ARFGEF2: variants seen among roughly 807,000 people sequenced by gnomAD.
ARFGEF2 encodes ARF guanine nucleotide exchange factor 2.
A neutral mutation model predicts 219.9 loss-of-function variants in ARFGEF2; 74 were observed. The ratio of observed to expected loss-of-function variants is 0.34; its 90% CI spans 0.28 to 0.41. The LOEUF (loss-of-function observed/expected upper bound fraction) is 0.41, where lower values mean the gene tolerates loss of function less well. Among genes scored for constraint, ARFGEF2 ranks in the 10% least tolerant of loss-of-function variants. The pLI, the probability that ARFGEF2 is intolerant of heterozygous loss-of-function variation, is 1.00. For missense variants in ARFGEF2, 1,743 were observed against 2,218.3 expected (o/e 0.79, Z 4.30); for synonymous variants, 733 against 799.2 (o/e 0.92, Z 1.40).
At chr20:49,026,582 TA>T (rs2091604548) in intron 36 of ARFGEF2, among the ~76,000 whole-genome samples, 1 of 150,354 alleles carries the variant, frequency 6.7e-6, no homozygotes, top group African/African-American at 2.4e-5. Context: ...TTTTTACCAT[TA>T]CTTTTTTTTT....
At chr20:48,954,585 AT>A (rs2091094607) in intron 6 of ARFGEF2, among the ~76,000 whole-genome samples, 1 of 152,206 alleles carries the variant, frequency 6.6e-6, no homozygotes, top group Non-Finnish European at 1.5e-5. Context: ...ATTACTGATA[AT>A]GATTTCTGTT....
intron 1 of ARFGEF2, among the ~76,000 whole-genome samples, chr20:48,922,930 A>T (rs1271186503): frequency 1.3e-5 from 2 of 152,344 alleles, no homozygotes; most frequent in East Asian, 3.9e-4. Flanking sequence ...TTAAGAAAAT[A>T]GGTGAGGTAT....
In ARFGEF2 at chr20:49,017,194, G is replaced by A. The variant is rs2091535746; in HGVS notation, c.4316-55G>A. On this transcript the variant is annotated intron_variant, in intron 31 of 38. Transcript: ENST00000371917. ...CACAATATACAGTATTTGAGACCTG[G>A]TTGGCATCAAAATAGCAGTAGAAGT... is the stretch of plus-strand genomic sequence containing the variant. The A allele has an allele frequency of 6.3e-6, 10 of 1,584,232 alleles. No homozygotes were observed. The Admixed American group carries it at 1.5e-4, about 24-fold the overall frequency.
chr20:48,982,465 C>T (rs1307401172), intron 14 of ARFGEF2, among the ~76,000 whole-genome samples: 7 of 152,174 alleles, frequency 4.6e-5, no homozygotes, highest in Non-Finnish European at 8.8e-5. Flanking sequence ...GGGTCAGGGT[C>T]CCACTTGAGG....
At chr20:48,993,768 G>A (rs1407434099) in intron 21 of ARFGEF2, among the ~76,000 whole-genome samples, 1 of 152,180 alleles carries the variant, frequency 6.6e-6, no homozygotes, top group Non-Finnish European at 1.5e-5. Context: ...AGGACCAGGA[G>A]ATCCAGCCTC....
At chr20:49,006,219 G>A (rs893179781) in intron 26 of ARFGEF2, among the ~76,000 whole-genome samples, 2 of 152,034 alleles carry the variant, frequency 1.3e-5, no homozygotes, top group Admixed American at 6.6e-5. Flanking sequence ...GCTTGAACCC[G>A]GGAGGTGGAG....
intron 1 of ARFGEF2, among the ~76,000 whole-genome samples, chr20:48,928,526 G>T (rs554597474): frequency 2.2e-5 from 3 of 135,640 alleles, no homozygotes; most frequent in African/African-American, 8.3e-5. Context: ...AGCCAGTCTC[G>T]CTCTGTCGCC....
intron 14 of ARFGEF2, among the ~76,000 whole-genome samples, chr20:48,980,624 T>C (rs956624206): frequency 6.6e-6 from 1 of 152,224 alleles, no homozygotes; most frequent in African/African-American, 2.4e-5. Context: ...TCTAAGTCTC[T>C]TTGTAGGTCT....
chr20:48,961,029 G>C (rs1409723416), intron 6 of ARFGEF2, among the ~76,000 whole-genome samples: 1 of 150,250 alleles, frequency 6.7e-6, no homozygotes, highest in East Asian at 2.0e-4. Flanking sequence ...GCAGTGAACC[G>C]AGATTGTGCC....
chr20:49,011,670 A>G (rs768393841), intron 27 of ARFGEF2, among the ~76,000 whole-genome samples: 3 of 152,230 alleles, frequency 2.0e-5, no homozygotes, highest in Non-Finnish European at 4.4e-5. Flanking sequence ...AAATGAATGA[A>G]TTGATATTTG....
intron 20 of ARFGEF2, 33 bp from the exon 21 acceptor site, chr20:48,991,007 G>A: frequency 6.2e-7 from 1 of 1,606,926 alleles, no homozygotes; most frequent in Non-Finnish European, 8.5e-7. Context: ...TAAGGTTGGA[G>A]TCACAGTGTT....
chr20:48,952,928 C>G, intron 5 of ARFGEF2, 44 bp downstream of exon 5: 10 of 1,596,788 alleles, frequency 6.3e-6, no homozygotes, highest in Non-Finnish European at 6.9e-6. Context: ...CATCATTGCT[C>G]TCTGAACTCT....
intron 25 of ARFGEF2, among the ~76,000 whole-genome samples, chr20:49,002,322 A>G (rs1421203697): frequency 1.3e-5 from 2 of 152,190 alleles, no homozygotes; most frequent in African/African-American, 4.8e-5. Context: ...TGTTAGGTAC[A>G]CTCACATTGT....
intron 14 of ARFGEF2, among the ~76,000 whole-genome samples, chr20:48,981,033 C>A (rs981153962): frequency 9.9e-5 from 15 of 152,150 alleles, no homozygotes; most frequent in Non-Finnish European, 2.1e-4. Context: ...ATAATGTTAG[C>A]TGGTTATTTT....
chr20:49,011,949 T>A lies in ARFGEF2; in HGVS notation c.3783T>A (p.Pro1261=), dbSNP rs2091501715. The A allele has an allele frequency of 6.2e-7, 1 of 1,614,136 alleles. No homozygotes were observed. Among genetic ancestry groups the A allele is most frequent in the African/African-American group, 1.3e-5 (1 of 74,950 alleles). Reference sequence around the variant, plus strand: ...CAACTATTTTCCAGCACCATTTTCCTGCAGCCATCGATTCCTTTCAGGATG... The same window carrying A: ...CAACTATTTTCCAGCACCATTTTCCAGCAGCCATCGATTCCTTTCAGGATG... ...IVTTIFQHHF[P]AAIDSFQDAV... The change falls in exon 28 of 39, where the codon CCT becomes CCA. Residue 1261 remains proline, a synonymous_variant. Transcript: ENST00000371917.
At chr20:48,972,493 G>A (rs2091234567) in intron 11 of ARFGEF2, 68 bp downstream of exon 11, 13 of 1,183,860 alleles carry the variant, frequency 1.1e-5, no homozygotes, top group Non-Finnish European at 1.6e-5. Context: ...CTCAGATTAA[G>A]ACTTCTAACC....
At chr20:48,990,325 T>G (rs916047517) in intron 20 of ARFGEF2, among the ~76,000 whole-genome samples, 1 of 152,228 alleles carries the variant, frequency 6.6e-6, no homozygotes, top group African/African-American at 2.4e-5. Flanking sequence ...TTATTATAAT[T>G]TCGCATATTT....
At chr20:48,985,674 C>A in intron 16 of ARFGEF2, 61 bp downstream of exon 16, 1 of 1,554,142 alleles carries the variant, frequency 6.4e-7, no homozygotes, top group Non-Finnish European at 8.8e-7. Context: ...AACGCTAATT[C>A]TAATTTGGTT....
rs1045171320 is a variant in ARFGEF2, at chr20:48,941,967, A to G, written c.256A>G (p.Thr86Ala). 8 of 1,614,180 alleles carry G rather than the reference A, an allele frequency of 5.0e-6. 1 individual carries two copies. The Middle Eastern group carries it at 8.2e-4, about 166-fold the overall frequency. The change falls in exon 3 of 39, where the codon ACA (threonine) becomes GCA (alanine). Residue 86 changes from threonine (T) to alanine (A), a missense_variant. This residue lies in a region of ARFGEF2 where 394 missense variants were observed against 426.6 expected (regional missense o/e 0.92). Transcript: ENST00000371917. ...GTCCAAGTCCCCAAGGGTAGTCAGC[A>G]CATCCCTTGACTGCTTGCAGGTACC... ...CQSKSPRVVS[T>A]SLDCLQKLIA...
Sources: gnomAD v4.1 joint callset for allele counts (sites outside exome capture counted in the v4.1 genomes callset) on GRCh38, gnomAD v4.1.1 for gene constraint, gnomAD v4.1.1 regional missense constraint, MANE v1.5 for transcripts, NCBI Gene and HGNC (gene_info 2026-07-23, HGNC 2026-07-21) for gene names.